The following ELFN1 variants were observed in gnomAD, a reference collection of about 807,000 sequenced individuals.
ELFN1 encodes the protein extracellular leucine rich repeat and fibronectin type III domain containing 1, also known as protein ELFN1.
ELFN1 carries 6 observed loss-of-function variants against 7.6 expected under a neutral mutation model. That is an observed-to-expected ratio of 0.79 (90% CI 0.43 to 1.56). The LOEUF (loss-of-function observed/expected upper bound fraction) is 1.56. ELFN1 is among the 40% of genes most tolerant of loss of function. ELFN1 has a pLI of 0.01. For missense variants in ELFN1, 1,169 were observed against 1,232.2 expected (o/e 0.95, Z 0.77); for synonymous variants, 657 against 588.1 (o/e 1.12, Z -1.70).
At chr7:1,666,382 C>G (rs1365486290), upstream of ELFN1, among the ~76,000 whole-genome samples, 1 of 151,930 alleles carries the variant, frequency 6.6e-6, no homozygotes, top group African/African-American at 2.4e-5. This position sits in a 1 kb window ranked among gnomAD's most constrained non-coding sequence, Gnocchi z 7.9. Flanking sequence ...GCGCCAGGGC[C>G]GAGTCTCCCC....
rs749503062 is a variant in ELFN1 at position 1,746,228 on chromosome 7, G to A, written c.1632G>A (p.Pro544=). The part of the protein sequence containing the change: ...PERRDCELGR[P]GPDSQSSVAE... Reference sequence around the variant, plus strand: ...GCAGGGACTGTGAGCTGGGCCGGCCGGGCCCCGACAGCCAGAGTTCGGTGG... The same window carrying A: ...GCAGGGACTGTGAGCTGGGCCGGCCAGGCCCCGACAGCCAGAGTTCGGTGG... Residue 544 remains proline, a synonymous_variant, in exon 4 of 4, where the codon CCG becomes CCA. Transcript: ENST00000424383. 1.2e-5 allele frequency: 18 copies of A among 1,562,306 alleles called. No individual in the cohort carries two copies. The highest frequency in any genetic ancestry group is 7.2e-5 in the East Asian group (3 of 41,700).
upstream of ELFN1, among the ~76,000 whole-genome samples, chr7:1,669,796 C>G (rs1778726071): frequency 6.6e-6 from 1 of 152,114 alleles, no homozygotes; most frequent in Non-Finnish European, 1.5e-5. Context: ...CCTGAGAACG[C>G]CTTGGCTTTG....
intron 3 of ELFN1, among the ~76,000 whole-genome samples, chr7:1,720,025 A>G (rs1346568971): frequency 6.8e-6 from 1 of 146,912 alleles, no homozygotes; most frequent in Non-Finnish European, 1.5e-5. Context: ...TGCAAACCCC[A>G]GCCCCAGCCA....
At chr7:1,669,874 C>CCCACCCACCCCCT (rs1242468745), upstream of ELFN1, among the ~76,000 whole-genome samples, 1 of 136,648 alleles carries the variant, frequency 7.3e-6, no homozygotes, top group Non-Finnish European at 1.6e-5. Flanking sequence ...CCCCCACCCA[C>CCCACCCACCCCCT]CCACCCACCC....
intron 3 of ELFN1, among the ~76,000 whole-genome samples, chr7:1,719,725 G>A (rs1583364038): frequency 6.6e-6 from 1 of 152,352 alleles, no homozygotes; most frequent in South Asian, 2.1e-4. Flanking sequence ...CAAATGGTGG[G>A]GTTCGAAGCA....
At chr7:1,684,198 C>T (rs1779021695) in intron 1 of ELFN1, among the ~76,000 whole-genome samples, 1 of 152,250 alleles carries the variant, frequency 6.6e-6, no homozygotes, top group East Asian at 1.9e-4. Context: ...CTAATATTTG[C>T]ATGTATATAT....
chr7:1,731,752 C>T (rs1434612411), intron 3 of ELFN1, among the ~76,000 whole-genome samples: 3 of 152,330 alleles, frequency 2.0e-5, no homozygotes, highest in South Asian at 2.1e-4. Context: ...GAGAATCAAA[C>T]GATTCTCCTG....
chr7:1,693,205 C>T (rs1184808346), intron 2 of ELFN1: 1 of 397,736 alleles, frequency 2.5e-6, no homozygotes, highest in Non-Finnish European at 5.3e-6. Context: ...GCAGTGCAGG[C>T]CCTGGAGATG....
At chr7:1,729,703 T>TG (rs1780286563) in intron 3 of ELFN1, among the ~76,000 whole-genome samples, 1 of 152,198 alleles carries the variant, frequency 6.6e-6, no homozygotes, top group East Asian at 1.9e-4. Context: ...AGACTCCAGG[T>TG]GGGAGGTAGA....
chr7:1,696,788 C>T (rs373912278), intron 2 of ELFN1, among the ~76,000 whole-genome samples: 2 of 152,198 alleles, frequency 1.3e-5, no homozygotes, highest in Non-Finnish European at 1.5e-5. Flanking sequence ...CCAGAGAACC[C>T]GCTGCCTCCT....
intron 3 of ELFN1, among the ~76,000 whole-genome samples, chr7:1,737,928 G>T (rs1406973414): frequency 2.0e-5 from 3 of 152,122 alleles, no homozygotes; most frequent in Non-Finnish European, 2.9e-5. Flanking sequence ...AGGGTATGCC[G>T]GCCACCCCTT....
chr7:1,681,579 G>T (rs1382723188), intron 1 of ELFN1, among the ~76,000 whole-genome samples: 1 of 152,158 alleles, frequency 6.6e-6, no homozygotes, highest in African/African-American at 2.4e-5. Flanking sequence ...GGCCAGGTTG[G>T]TCTTGAACTC....
chr7:1,691,242 C>T (rs752203357), intron 2 of ELFN1, among the ~76,000 whole-genome samples: 7 of 152,150 alleles, frequency 4.6e-5, no homozygotes, highest in Non-Finnish European at 7.4e-5. Context: ...CAGGGGCCTC[C>T]GGGATGCCGA....
chr7:1,696,750 C>T (rs901584210), intron 2 of ELFN1, among the ~76,000 whole-genome samples: 4 of 152,166 alleles, frequency 2.6e-5, no homozygotes, highest in Non-Finnish European at 4.4e-5. Flanking sequence ...GCCCCACCCT[C>T]ATGACCTCGG....
chr7:1,742,685 C>T (rs1032961596), intron 3 of ELFN1, among the ~76,000 whole-genome samples: 5 of 152,234 alleles, frequency 3.3e-5, no homozygotes, highest in African/African-American at 1.2e-4. Flanking sequence ...CTGGCCACTC[C>T]AGGCCAAGCC....
chr7:1,680,147 G>A (rs530398198), intron 1 of ELFN1, among the ~76,000 whole-genome samples: 3 of 152,346 alleles, frequency 2.0e-5, no homozygotes, highest in Admixed American at 6.5e-5. Context: ...AGCAAAACAG[G>A]TGTTATCCTG....
intron 1 of ELFN1, among the ~76,000 whole-genome samples, chr7:1,675,486 C>T (rs896129922): frequency 1.3e-5 from 2 of 152,232 alleles, no homozygotes; most frequent in African/African-American, 2.4e-5. Flanking sequence ...CCGACAGATC[C>T]GAGTCTTATT....
chr7:1,701,890 AT>A (rs983441448), intron 2 of ELFN1, among the ~76,000 whole-genome samples: 1 of 151,776 alleles, frequency 6.6e-6, no homozygotes, highest in Non-Finnish European at 1.5e-5. Flanking sequence ...TTCTTTTTGC[AT>A]TTAGCTCTGT....
rs369881494 is a variant in ELFN1 at position 1,688,554 on chromosome 7, C to G, written c.-456+404C>G. On this transcript the variant is annotated intron_variant, in intron 2 of 3. Coordinates refer to ENST00000424383, the MANE Select transcript of ELFN1 (RefSeq NM_001128636.4). ...GTCAGTTCTTCCTAGGTATACTAAT[C>G]CAGTTGATTTTACCCCTTTTATTGA... Among the ~76,000 whole-genome samples the G allele has an allele frequency of 5.9e-5, 9 of 152,294 alleles. 1 individual carries two copies. In the South Asian group the frequency reaches 1.0e-3, roughly 18 times the overall value.
Sources: gnomAD v4.1 joint callset for allele counts (sites outside exome capture counted in the v4.1 genomes callset) on GRCh38, gnomAD v4.1.1 for gene constraint, Gnocchi (gnomAD v3.1) non-coding constraint, MANE v1.5 for transcripts, NCBI Gene and HGNC (gene_info 2026-07-23, HGNC 2026-07-21) for gene names.